Variants in NR2F1-AS1 observed in about 807,000 individuals in gnomAD.
NR2F1-AS1 encodes NR2F1 regulatory antisense RNA 1.
intron 4 of NR2F1-AS1, among the ~76,000 whole-genome samples, chr5:93,549,774 C>T (rs999435639): frequency 6.6e-6 from 1 of 152,072 alleles, no homozygotes; most frequent in Non-Finnish European, 1.5e-5. Flanking sequence ...CCATGGAATA[C>T]TATGCAGCCA....
chr5:93,442,088 C>A (rs1170701671), intron 4 of NR2F1-AS1, among the ~76,000 whole-genome samples: 1 of 152,134 alleles, frequency 6.6e-6, no homozygotes, highest in East Asian at 1.9e-4. Context: ...TCCAAGATGG[C>A]CAAATAGGAA....
chr5:93,527,018 A>T (rs1258791082), intron 4 of NR2F1-AS1, among the ~76,000 whole-genome samples: 1 of 152,194 alleles, frequency 6.6e-6, no homozygotes, highest in African/African-American at 2.4e-5. Context: ...AAGAGAAAGA[A>T]ATAAAGGGTA....
chr5:93,576,434 T>TC (rs1203848797), intron 1 of NR2F1-AS1, among the ~76,000 whole-genome samples: 1 of 152,056 alleles, frequency 6.6e-6, no homozygotes, highest in African/African-American at 2.4e-5. Flanking sequence ...TTGTGCTTTT[T>TC]TTTTTTTTTC....
At chr5:93,576,260 C>A (rs1304792879) in intron 1 of NR2F1-AS1, among the ~76,000 whole-genome samples, 1 of 152,162 alleles carries the variant, frequency 6.6e-6, no homozygotes, top group Non-Finnish European at 1.5e-5. Context: ...ATAGAACGAT[C>A]CCCGAGTTTT....
intron 1 of NR2F1-AS1, among the ~76,000 whole-genome samples, chr5:93,573,187 T>C (rs1468104188): frequency 1.3e-5 from 2 of 151,972 alleles, no homozygotes; most frequent in Middle Eastern, 3.2e-3. Context: ...AGAAAGGGAG[T>C]GCGGGGGAGA....
chr5:93,440,209 CT>C lies in NR2F1-AS1; in HGVS notation n.639-44668del, dbSNP rs151308698. Among the ~76,000 whole-genome samples, 386 of 151,756 alleles carry C rather than the reference CT, an allele frequency of 2.5e-3. 1 individual carries two copies. Among genetic ancestry groups the C allele is most frequent in the African/African-American group, 9.2e-3 (378 of 41,080 alleles). On this transcript the variant is annotated intron_variant and non_coding_transcript_variant, in intron 4 of 5. Coordinates refer to ENST00000660523, the Ensembl canonical transcript of NR2F1-AS1. ...TCTCTCTCTGTCTCTCTCTCTCTCT[CT>C]CTCTCTCTCACACACACACACACAC...
At chr5:93,519,306 G>A (rs1751455918) in intron 4 of NR2F1-AS1, among the ~76,000 whole-genome samples, 1 of 151,976 alleles carries the variant, frequency 6.6e-6, no homozygotes, top group East Asian at 1.9e-4. Flanking sequence ...TTCATTGAGC[G>A]AAATATTTTA....
chr5:93,513,159 A>C (rs1751335869), intron 4 of NR2F1-AS1, among the ~76,000 whole-genome samples: 2 of 152,186 alleles, frequency 1.3e-5, no homozygotes, highest in African/African-American at 4.8e-5. Flanking sequence ...AGAGTAAAAA[A>C]ACAACAGATG....
rs569543936 is a variant in NR2F1-AS1 at position 93,466,912 on chromosome 5, G to GA, written n.639-71371_639-71370insT. Among the ~76,000 whole-genome samples the GA allele has an allele frequency of 7.6e-4, 102 of 134,364 alleles. 12 individuals carry two copies. The highest frequency in any genetic ancestry group is 1.2e-3 in the Non-Finnish European group (73 of 60,846). 88.1% of individuals were successfully genotyped at this position (134,364 alleles called of 152,430 possible). A position where few individuals can be genotyped will look rare whatever the true frequency, so the allele number is the denominator to read the frequency against. On this transcript the variant is annotated intron_variant and non_coding_transcript_variant, in intron 4 of 5. Transcript: ENST00000660523. ...CCAGAATATCCCTTTTTTGGGGGGGGGGGGGGTGGACGGAGTCTCACTGTG... is the reference window on the plus strand; with the variant it reads ...CCAGAATATCCCTTTTTTGGGGGGGGAGGGGGGTGGACGGAGTCTCACTGTG...
chr5:93,541,053 T>C (rs1400461075), intron 4 of NR2F1-AS1, among the ~76,000 whole-genome samples: 3 of 152,212 alleles, frequency 2.0e-5, no homozygotes, highest in Non-Finnish European at 4.4e-5. Context: ...CACCTCTAAG[T>C]GTCACCTTCT....
chr5:93,444,776 C>T (rs1749659145), intron 4 of NR2F1-AS1, among the ~76,000 whole-genome samples: 1 of 152,156 alleles, frequency 6.6e-6, no homozygotes, highest in South Asian at 2.1e-4. Flanking sequence ...CGCACTTATA[C>T]CAAAATTGAC....
intron 2 of NR2F1-AS1, among the ~76,000 whole-genome samples, chr5:93,560,139 TGAA>T (rs1303744315): frequency 1.3e-5 from 2 of 152,150 alleles, no homozygotes; most frequent in Non-Finnish European, 2.9e-5. Context: ...TTATAAAAAC[TGAA>T]GAAATTAGAT....
At chr5:93,548,322 C>T (rs1752137248) in intron 4 of NR2F1-AS1, among the ~76,000 whole-genome samples, 1 of 152,138 alleles carries the variant, frequency 6.6e-6, no homozygotes, top group African/African-American at 2.4e-5. Flanking sequence ...CTTTCCCCTG[C>T]TCTTCTTTCA....
chr5:93,515,292 G>T (rs1751377852), intron 4 of NR2F1-AS1, among the ~76,000 whole-genome samples: 1 of 151,768 alleles, frequency 6.6e-6, no homozygotes, highest in African/African-American at 2.4e-5. Flanking sequence ...GGGTGGGATA[G>T]TTACTCCTGA....
chr5:93,565,723 A>C (rs1163122982), intron 1 of NR2F1-AS1, among the ~76,000 whole-genome samples: 1 of 151,976 alleles, frequency 6.6e-6, no homozygotes, highest in Non-Finnish European at 1.5e-5. Flanking sequence ...GGAACTTTAA[A>C]GGTCAATGAA....
intron 4 of NR2F1-AS1, among the ~76,000 whole-genome samples, chr5:93,514,113 A>G (rs1372557821): frequency 6.6e-6 from 1 of 152,146 alleles, no homozygotes; most frequent in African/African-American, 2.4e-5. Context: ...TTCATGTTCT[A>G]TTATATATTC....
intron 4 of NR2F1-AS1, among the ~76,000 whole-genome samples, chr5:93,540,253 G>A (rs1751921879): frequency 6.6e-6 from 1 of 152,158 alleles, no homozygotes; most frequent in Non-Finnish European, 1.5e-5. Context: ...AATCACTAAT[G>A]TTGAATACTC....
intron 4 of NR2F1-AS1, among the ~76,000 whole-genome samples, chr5:93,482,249 C>T (rs998844570): frequency 6.6e-6 from 1 of 152,084 alleles, no homozygotes; most frequent in Non-Finnish European, 1.5e-5. Flanking sequence ...AACTGAGGTA[C>T]CTGACTCATC....
chr5:93,464,558 T>A (rs1750183741), intron 4 of NR2F1-AS1, among the ~76,000 whole-genome samples: 1 of 152,216 alleles, frequency 6.6e-6, no homozygotes, highest in African/African-American at 2.4e-5. Context: ...CATGATTAAA[T>A]ATGATTAAGA....
Sources: gnomAD v4.1 joint callset for allele counts (sites outside exome capture counted in the v4.1 genomes callset) on GRCh38, gnomAD v4.1.1 for gene constraint, MANE v1.5 for transcripts, NCBI Gene and HGNC (gene_info 2026-07-23, HGNC 2026-07-21) for gene names.